LRIG1: variants seen among roughly 807,000 people sequenced by gnomAD.
The protein encoded by LRIG1 is leucine-rich repeats and immunoglobulin-like domains protein 1.
Under a neutral mutation model 99.2 loss-of-function variants are expected in LRIG1, and 48 were observed. That is an observed-to-expected ratio of 0.48 (90% CI 0.38 to 0.62). The LOEUF (loss-of-function observed/expected upper bound fraction) is 0.62, where lower values mean the gene tolerates loss of function less well. LRIG1 is among the 20% of genes least tolerant of loss of function. The pLI is 0.00. For missense variants in LRIG1, 1,646 were observed against 1,434.4 expected (o/e 1.15, Z -2.38); for synonymous variants, 772 against 596.1 (o/e 1.29, Z -4.30).
Position 66,382,321 on chromosome 3 carries a change from C to T in LRIG1, c.2569G>A (p.Val857Ile). The T allele has an allele frequency of 6.2e-7, 1 of 1,614,190 alleles. No homozygotes were observed. The highest frequency in any genetic ancestry group is 8.5e-7 in the Non-Finnish European group (1 of 1,180,034). ...GTLSDRQETV[V>I]RTEGGPQANG... ...GCCTGAGGGCCACCCTCGGTCCTGA[C>T]CACGGTTTCTTGTCGGTCAGAAAGG... Residue 857 changes from valine to isoleucine, a missense_variant, in exon 16 of 19, where the codon GTC becomes ATC. Coordinates refer to ENST00000273261, the MANE Select transcript of LRIG1 (RefSeq NM_015541.3).
At chr3:66,406,491 T>A (rs939247867) in intron 8 of LRIG1, 1 of 902,018 alleles carries the variant, frequency 1.1e-6, no homozygotes, top group Non-Finnish European at 1.3e-6. Context: ...GGCTCCACAT[T>A]AAAGCCGGCT....
chr3:66,399,020 G>C lies in LRIG1; in HGVS notation c.1182C>G (p.Ile394Met). Residue 394 changes from isoleucine (I) to methionine (M), a missense_variant, in exon 10 of 19, where the codon ATC (isoleucine) becomes ATG (methionine). Ile to Met is a conservative substitution (Grantham distance 10, BLOSUM62 1). Coordinates refer to ENST00000273261, the MANE Select transcript of LRIG1 (RefSeq NM_015541.3). ...LSKLTLFGNK[I>M]KSVAKRAFSG... is the part of the protein sequence containing the mutation. ...AGAATGCTCTCTTAGCCACAGACTT[G>C]ATCTTGTTTCCAAACAGAGTCCTGT... is the stretch of plus-strand genomic sequence containing the variant. 6.2e-7 allele frequency: 1 copy of C among 1,614,188 alleles called. No homozygotes were observed. The highest frequency in any genetic ancestry group is 1.1e-5 in the South Asian group (1 of 91,076).
chr3:66,483,378 A>T (rs1277499516), intron 1 of LRIG1, among the ~76,000 whole-genome samples: 1 of 152,232 alleles, frequency 6.6e-6, no homozygotes, highest in African/African-American at 2.4e-5. Context: ...CCAGATTTAG[A>T]AATGTATCTG....
intron 3 of LRIG1, among the ~76,000 whole-genome samples, chr3:66,419,399 G>A (rs766880271): frequency 1.2e-4 from 19 of 152,182 alleles, no homozygotes; most frequent in Admixed American, 2.0e-4. Context: ...TCTTTCACCC[G>A]CTGGGAAAGT....
intron 1 of LRIG1, among the ~76,000 whole-genome samples, chr3:66,477,767 G>A (rs1163115335): frequency 6.6e-6 from 1 of 152,106 alleles, no homozygotes; most frequent in African/African-American, 2.4e-5. Flanking sequence ...ACGCATAGGT[G>A]TGCTGGAGAC....
chr3:66,420,947 G>A (rs1702787728), intron 3 of LRIG1, among the ~76,000 whole-genome samples: 1 of 152,182 alleles, frequency 6.6e-6, no homozygotes, highest in Admixed American at 6.5e-5. Context: ...AGAAGGCAAA[G>A]AAGAGCAAGT....
At chr3:66,410,415 G>A (rs1030734918) in intron 6 of LRIG1, 143 bp from the exon 7 acceptor site, 18 of 726,566 alleles carry the variant, frequency 2.5e-5, no homozygotes, top group South Asian at 7.9e-5. Context: ...GAGTCTAGTC[G>A]CACACATGTG....
At chr3:66,482,875 A>C (rs1477013668) in intron 1 of LRIG1, among the ~76,000 whole-genome samples, 1 of 152,240 alleles carries the variant, frequency 6.6e-6, no homozygotes, top group African/African-American at 2.4e-5. Flanking sequence ...ATAGGTATTC[A>C]GCCTCACACA....
Position 66,405,229 on chromosome 3 carries a change from C to T in LRIG1, c.1129G>A (p.Ala377Thr), listed in dbSNP as rs746564559. The change falls in exon 9 of 19, where the codon GCC becomes ACC. Residue 377 changes from alanine (A) to threonine (T), a missense_variant. Coordinates refer to ENST00000273261, the MANE Select transcript of LRIG1 (RefSeq NM_015541.3). ...ISGTIEDTSG[A>T]FSGLDSLSKL... ...CTGAGGCTGTCGAGCCCTGAGAAGGCGCCGCTCGTGTCCTCTATTGTGCCC... is the reference window on the plus strand; with the variant it reads ...CTGAGGCTGTCGAGCCCTGAGAAGGTGCCGCTCGTGTCCTCTATTGTGCCC... 10 of 1,614,162 alleles carry T rather than the reference C, an allele frequency of 6.2e-6. No homozygotes were observed. Among genetic ancestry groups the T allele is most frequent in the East Asian group, 2.2e-5 (1 of 44,874 alleles).
At chr3:66,383,844 T>C in intron 14 of LRIG1, 147 bp downstream of exon 14, 1 of 1,139,154 alleles carries the variant, frequency 8.8e-7, no homozygotes, top group Non-Finnish European at 1.2e-6. Flanking sequence ...TAAGAAAAAT[T>C]AACTCAACTC....
intron 12 of LRIG1, among the ~76,000 whole-genome samples, chr3:66,391,533 T>C (rs561106331): frequency 6.6e-6 from 1 of 152,338 alleles, no homozygotes; most frequent in Admixed American, 6.5e-5. Context: ...GACCGTATAC[T>C]GTATGGTTCC....
At chr3:66,436,611 G>A (rs1017799757) in intron 3 of LRIG1, among the ~76,000 whole-genome samples, 8 of 152,170 alleles carry the variant, frequency 5.3e-5, no homozygotes, top group Non-Finnish European at 1.0e-4. Context: ...GAGCCCGGGG[G>A]TCTGGTGCCA....
At chr3:66,491,206 TAACTC>T (rs1701094225) in intron 1 of LRIG1, among the ~76,000 whole-genome samples, 2 of 152,196 alleles carry the variant, frequency 1.3e-5, no homozygotes, top group African/African-American at 4.8e-5. Flanking sequence ...AAACAATAGT[TAACTC>T]AATTCAGACT....
intron 4 of LRIG1, among the ~76,000 whole-genome samples, chr3:66,416,552 C>CT (rs1435252143): frequency 1.3e-5 from 2 of 152,158 alleles, no homozygotes. Context: ...TCCTTCCTGT[C>CT]TACCATCCAT....
At chr3:66,442,676 G>A (rs745938595) in intron 3 of LRIG1, among the ~76,000 whole-genome samples, 49 of 152,084 alleles carry the variant, frequency 3.2e-4, no homozygotes, top group Admixed American at 2.9e-3. Flanking sequence ...GGAGCAACCC[G>A]GGTCCCCAGT....
intron 1 of LRIG1, among the ~76,000 whole-genome samples, chr3:66,488,907 G>A (rs1199209955): frequency 6.6e-6 from 1 of 152,216 alleles, no homozygotes; most frequent in Non-Finnish European, 1.5e-5. Context: ...GATGCTGCCT[G>A]CAGTGGCCCT....
chr3:66,464,409 G>T (rs1310973746), intron 1 of LRIG1, among the ~76,000 whole-genome samples: 1 of 151,664 alleles, frequency 6.6e-6, no homozygotes, highest in African/African-American at 2.4e-5. Context: ...TTTGCTTCTT[G>T]TCCCCCGAAA....
chr3:66,392,770 G>A (rs954570460), intron 12 of LRIG1, among the ~76,000 whole-genome samples: 3 of 152,168 alleles, frequency 2.0e-5, no homozygotes, highest in African/African-American at 7.2e-5. Context: ...GGAAAGGGGA[G>A]GGAGCGATGG....
At chr3:66,414,393 CA>C (rs1270122097) in intron 5 of LRIG1, among the ~76,000 whole-genome samples, 17 of 145,252 alleles carry the variant, frequency 1.2e-4, no homozygotes, top group Middle Eastern at 7.4e-3. Flanking sequence ...GAGACTGTCG[CA>C]AAAAAAAATA....
Sources: gnomAD v4.1 joint callset for allele counts (sites outside exome capture counted in the v4.1 genomes callset) on GRCh38, gnomAD v4.1.1 for gene constraint, MANE v1.5 for transcripts, NCBI Gene and HGNC (gene_info 2026-07-23, HGNC 2026-07-21) for gene names.